SLC25A25: variants seen among roughly 807,000 people sequenced by gnomAD.
SLC25A25 encodes the protein mitochondrial adenyl nucleotide antiporter SLC25A25.
Under a neutral mutation model 57.7 loss-of-function variants are expected in SLC25A25, and 32 were observed. The observed-to-expected ratio is 0.55, with a 90% CI of 0.42 to 0.74. SLC25A25 has a LOEUF of 0.74. Ranked by LOEUF, SLC25A25 falls within the 30% of genes least tolerant of loss-of-function variation. The pLI, the probability that SLC25A25 is intolerant of heterozygous loss-of-function variation, is 0.00. For synonymous variants in SLC25A25, 306 were observed against 291.2 expected (o/e 1.05, Z -0.52); for missense variants, 556 against 701.3 (o/e 0.79, Z 2.34).
rs551147090 is a variant in SLC25A25, at chr9:128,099,766, C to T, written c.262-1330C>T. On this transcript the variant is annotated intron_variant, in intron 1 of 10. Transcript: ENST00000373069. This position sits in a 1 kb window ranked among gnomAD's most constrained non-coding sequence, Gnocchi z 6.8. ...CTTTGGCAGCTGAGGAATCACAAGGCGCTGTCAGTAGTGTGTCTAAGAGAG... is the reference window on the plus strand; with the variant it reads ...CTTTGGCAGCTGAGGAATCACAAGGTGCTGTCAGTAGTGTGTCTAAGAGAG... 5.4e-4 allele frequency among the ~76,000 whole-genome samples: 82 copies of T among 152,316 alleles called. No homozygotes were observed. Among genetic ancestry groups the T allele is most frequent in the Admixed American group, 3.1e-3 (47 of 15,300 alleles).
chr9:128,106,086 A>AG lies in SLC25A25; in HGVS notation c.937-60dup, dbSNP rs930922577. ...AATGTGCCGGGGACTCCTGGAAGGG[A>AG]GGGGCAGCAGCAGGTGCCCCAACCT... is the stretch of plus-strand genomic sequence containing the variant. On this transcript the variant is annotated intron_variant, in intron 7 of 10. Coordinates refer to ENST00000373069, the MANE Select transcript of SLC25A25 (RefSeq NM_001330988.2). The AG allele has an allele frequency of 2.5e-5, 40 of 1,586,804 alleles. No homozygotes were observed. The African/African-American group carries it at 5.1e-4, about 20-fold the overall frequency.
chr9:128,068,488 C>T lies in SLC25A25; in HGVS notation c.169C>T (p.Leu57Phe). The T allele has an allele frequency of 1.3e-6, 2 of 1,515,632 alleles. No homozygotes were observed. The highest frequency in any genetic ancestry group is 1.8e-6 in the Non-Finnish European group (2 of 1,137,902). 93.9% of individuals were successfully genotyped at this position (1,515,632 alleles called of 1,614,324 possible). The change falls in exon 1 of 11, where the codon CTC becomes TTC. Residue 57 changes from leucine to phenylalanine, a missense_variant. Around this residue, in one of 3 missense-constraint regions of SLC25A25, gnomAD observed 248 missense variants for 273.5 expected, o/e 0.91. Coordinates refer to ENST00000373069, the MANE Select transcript of SLC25A25 (RefSeq NM_001330988.2). ...GCGCCTGTGGAGACTCTTTCAGACG[C>T]TCGACGTCAACCGGGACGGCGGCCT... The part of the protein sequence containing the change: ...RLRLWRLFQT[L>F]DVNRDGGLCV...
In SLC25A25 at chr9:128,101,944, C is replaced by A; in HGVS notation, c.477-136C>A. 1.0e-6 allele frequency: 1 copy of A among 1,002,426 alleles called. No individual in the cohort carries two copies. The highest frequency in any genetic ancestry group is 1.5e-6 in the Non-Finnish European group (1 of 660,182). 62.1% of individuals were successfully genotyped at this position (1,002,426 alleles called of 1,614,324 possible). A position where few individuals can be genotyped will look rare whatever the true frequency, so the allele number is the denominator to read the frequency against. ...TCCTCGGGGACAGCAGCCCTGGGCT[C>A]AGCTGCTGTGGCGGGCTCGTCTCGT... On this transcript the variant is annotated intron_variant, in intron 3 of 10. Coordinates refer to ENST00000373069, the MANE Select transcript of SLC25A25 (RefSeq NM_001330988.2). The surrounding 1 kb of genome is among the most constrained non-coding windows in gnomAD (Gnocchi z 4.9).
intron 1 of SLC25A25, chr9:128,100,883 G>C (rs1833764238): frequency 3.4e-6 from 2 of 595,778 alleles, no homozygotes; most frequent in East Asian, 6.0e-5. Context: ...GCCCTTGCCT[G>C]GGTTCTGGCC....
rs753307423 is a variant in SLC25A25 at position 128,068,326 on chromosome 9, A to G, written c.7A>G (p.Ser3Gly). The G allele has an allele frequency of 4.0e-6, 6 of 1,492,692 alleles. No individual in the cohort carries two copies. The South Asian group carries it at 6.2e-5, about 16-fold the overall frequency. The allele number at this position is 1,492,692 out of a possible 1,614,324, so 92.5% of individuals were successfully genotyped here. ...AGCCCCTGCCTCGCGCCCGATGGTGAGCAGTGTGTTGTGCCGCTGTGTGGC... is the reference window on the plus strand; with the variant it reads ...AGCCCCTGCCTCGCGCCCGATGGTGGGCAGTGTGTTGTGCCGCTGTGTGGC... Reference protein sequence around the residue: MVSSVLCRCVASP... With the variant: MVGSVLCRCVASP... Residue 3 changes from serine (S) to glycine (G), a missense_variant, in exon 1 of 11, where the codon AGC (serine) becomes GGC (glycine). Physicochemically the swap from Ser to Gly is moderately conservative, Grantham distance 56. Coordinates refer to ENST00000373069, the MANE Select transcript of SLC25A25 (RefSeq NM_001330988.2).
intron 6 of SLC25A25, 45 bp from the exon 7 acceptor site, chr9:128,105,684 C>T (rs1200979752): frequency 1.9e-6 from 3 of 1,611,262 alleles, no homozygotes; most frequent in African/African-American, 1.3e-5. Context: ...GTGAGGCAGC[C>T]TGTGGCCCCC....
At chr9:128,090,214 TTTG>T (rs1833368601) in intron 1 of SLC25A25, among the ~76,000 whole-genome samples, 1 of 152,082 alleles carries the variant, frequency 6.6e-6, no homozygotes, top group Non-Finnish European at 1.5e-5. Flanking sequence ...TTGGTTTTTT[TTTG>T]TTTTTTGTTT....
Position 128,068,482 on chromosome 9 carries a change from C to A in SLC25A25, c.163C>A (p.Gln55Lys). Reference protein sequence around the residue: ...DHRLRLWRLFQTLDVNRDGGL... With the variant: ...DHRLRLWRLFKTLDVNRDGGL... ...CCGGCTGCGCCTGTGGAGACTCTTT[C>A]AGACGCTCGACGTCAACCGGGACGG... The change falls in exon 1 of 11, where the codon CAG (glutamine) becomes AAG (lysine). Residue 55 changes from glutamine to lysine, a missense_variant. Coordinates refer to ENST00000373069, the MANE Select transcript of SLC25A25 (RefSeq NM_001330988.2). 2.0e-6 allele frequency: 3 copies of A among 1,520,468 alleles called. No individual in the cohort carries two copies. Among genetic ancestry groups the A allele is most frequent in the South Asian group, 1.2e-5 (1 of 82,430 alleles). The allele number at this position is 1,520,468 out of a possible 1,614,324, so 94.2% of individuals were successfully genotyped here.
At position 128,107,070 on chromosome 9, in the gene SLC25A25, C is replaced by A; in HGVS notation, c.1254C>A (p.Ser418Arg). Reference protein sequence around the residue: ...NAWLQHYAVNSADPGVFVLLA... With the variant: ...NAWLQHYAVNRADPGVFVLLA... Reference sequence around the variant, plus strand: ...GGCTGCAGCACTATGCAGTGAACAGCGCGGACCCCGGCGTGTTTGTGCTCC... The same window carrying A: ...GGCTGCAGCACTATGCAGTGAACAGAGCGGACCCCGGCGTGTTTGTGCTCC... Residue 418 changes from serine to arginine, a missense_variant, in exon 10 of 11, where the codon AGC (serine) becomes AGA (arginine). Around this residue, in one of 3 missense-constraint regions of SLC25A25, gnomAD observed 294 missense variants for 389.6 expected, o/e 0.75. Transcript: ENST00000373069. 6.2e-7 allele frequency: 1 copy of A among 1,614,142 alleles called. No homozygotes were observed. Among genetic ancestry groups the A allele is most frequent in the Non-Finnish European group, 8.5e-7 (1 of 1,180,026 alleles).
chr9:128,092,707 G>A (rs1833445088), intron 1 of SLC25A25, among the ~76,000 whole-genome samples: 1 of 152,170 alleles, frequency 6.6e-6, no homozygotes, highest in South Asian at 2.1e-4. Flanking sequence ...CCCAGAGCGT[G>A]AGTTACCATC....
intron 7 of SLC25A25, 41 bp from the exon 8 acceptor site, chr9:128,106,109 C>T (rs778799781): frequency 2.5e-6 from 4 of 1,612,144 alleles, no homozygotes; most frequent in Non-Finnish European, 2.5e-6. Flanking sequence ...GGTGCCCCAA[C>T]CTCTGGGTAT....
intron 1 of SLC25A25, among the ~76,000 whole-genome samples, chr9:128,080,105 C>T (rs921111358): frequency 6.6e-6 from 1 of 151,868 alleles, no homozygotes; most frequent in African/African-American, 2.4e-5. Flanking sequence ...GTGGCTTATG[C>T]CTGTAATCCC....
At chr9:128,105,567 T>C (rs1056525389) in intron 6 of SLC25A25, among the ~76,000 whole-genome samples, 162 bp from the exon 7 acceptor site, 3 of 152,198 alleles carry the variant, frequency 2.0e-5, no homozygotes, top group East Asian at 1.9e-4. Flanking sequence ...CACTTAGCCG[T>C]GTTGGGTTAC....
At chr9:128,094,561 G>C (rs945401688) in intron 1 of SLC25A25, 5 of 152,220 alleles carry the variant, frequency 3.3e-5, no homozygotes, top group Admixed American at 2.6e-4. Context: ...AGCCTTAAGG[G>C]TGGGTGGGGC....
intron 1 of SLC25A25, chr9:128,098,193 A>T (rs10819362): frequency 5.7e-6 from 1 of 175,524 alleles, no homozygotes; most frequent in Non-Finnish European, 1.2e-5. Context: ...TGTTCATCTG[A>T]AGGGGTTGGC....
chr9:128,098,796 G>A (rs1833659857), intron 1 of SLC25A25: 2 of 1,568,198 alleles, frequency 1.3e-6, no homozygotes, highest in African/African-American at 2.7e-5. Flanking sequence ...GGCTGAGCAT[G>A]CATGAACCAT....
rs1164711412 is a variant in SLC25A25 at position 128,076,492 on chromosome 9, G to GTC, written c.261+7923_261+7924dup. On this transcript the variant is annotated intron_variant, in intron 1 of 10. Coordinates refer to ENST00000373069, the MANE Select transcript of SLC25A25 (RefSeq NM_001330988.2). ...TATTTTTATTTTTTTTTGAGACAGA[G>GTC]TCTCTCTCTCTCGCCCAGGCTGGAG... Among the ~76,000 whole-genome samples the GTC allele has an allele frequency of 8.4e-5, 12 of 143,496 alleles. 1 individual carries two copies. The highest frequency in any genetic ancestry group is 2.2e-4 in the South Asian group (1 of 4,580). 94.1% of individuals were successfully genotyped at this position (143,496 alleles called of 152,430 possible).
In SLC25A25 at chr9:128,108,507, G is replaced by T; in HGVS notation, c.*1063G>T. The T allele has an allele frequency of 2.7e-6, 1 of 373,110 alleles. No homozygotes were observed. Among genetic ancestry groups the T allele is most frequent in the Non-Finnish European group, 4.8e-6 (1 of 210,524 alleles). The allele number at this position is 373,110 out of a possible 1,614,324, so 23.1% of individuals were successfully genotyped here. A position where few individuals can be genotyped will look rare whatever the true frequency, so the allele number is the denominator to read the frequency against. ...CACATTCCACTTGTGTCACTGCTTG[G>T]AACCTATTTATTTTGTATTTATTTG... On this transcript the variant is annotated 3_prime_UTR_variant, in exon 11 of 11. Coordinates refer to ENST00000373069, the MANE Select transcript of SLC25A25 (RefSeq NM_001330988.2).
In SLC25A25 at chr9:128,101,713, G is replaced by C. The variant is rs570191221; in HGVS notation, c.476+317G>C. On this transcript the variant is annotated intron_variant, in intron 3 of 10. Transcript: ENST00000373069. This position sits in a 1 kb window ranked among gnomAD's most constrained non-coding sequence, Gnocchi z 4.9. ...GCGTGTGGAGGGGGCGGGGCGGGGC[G>C]GGGGGCTCACACTGCAGCCTCGTTC... Among the ~76,000 whole-genome samples the C allele has an allele frequency of 6.6e-6, 1 of 151,916 alleles. No individual in the cohort carries two copies. Among genetic ancestry groups the C allele is most frequent in the Non-Finnish European group, 1.5e-5 (1 of 67,928 alleles).
Sources: gnomAD v4.1 joint callset for allele counts (sites outside exome capture counted in the v4.1 genomes callset) on GRCh38, gnomAD v4.1.1 for gene constraint, gnomAD v4.1.1 regional missense constraint, Gnocchi (gnomAD v3.1) non-coding constraint, MANE v1.5 for transcripts, NCBI Gene and HGNC (gene_info 2026-07-23, HGNC 2026-07-21) for gene names.